CTNNBIP1: variants seen among roughly 807,000 people sequenced by gnomAD.
CTNNBIP1 encodes beta-catenin-interacting protein 1.
A neutral mutation model predicts 11.8 loss-of-function variants in CTNNBIP1; 7 were observed. That is an observed-to-expected ratio of 0.60 (90% CI 0.34 to 1.12). The LOEUF (loss-of-function observed/expected upper bound fraction) is 1.12. CTNNBIP1 is among the 50% of genes most tolerant of loss of function. The probability of loss-of-function intolerance (pLI) is 0.03; values close to 1 mark genes in which losing one functional copy is unlikely to be tolerated. For missense variants in CTNNBIP1, 101 were observed against 113.4 expected (o/e 0.89, Z 0.50); for synonymous variants, 58 against 43.9 (o/e 1.32, Z -1.26).
chr1:9,857,046 C>T (rs1418093979), intron 5 of CTNNBIP1, among the ~76,000 whole-genome samples: 3 of 150,156 alleles, frequency 2.0e-5, no homozygotes, highest in African/African-American at 7.3e-5. Flanking sequence ...CGCTTGAACC[C>T]GGGAGGCAGA....
chr1:9,899,455 C>CAAAA (rs754593503), intron 1 of CTNNBIP1, among the ~76,000 whole-genome samples: 4 of 65,692 alleles, frequency 6.1e-5, no homozygotes, highest in Admixed American at 2.0e-4. Context: ...GACTCCATCT[C>CAAAA]AAAAAAAAAA....
chr1:9,860,629 A>G (rs532224829), intron 5 of CTNNBIP1, among the ~76,000 whole-genome samples: 3 of 150,846 alleles, frequency 2.0e-5, no homozygotes, highest in South Asian at 4.2e-4. Context: ...AAAAAAAAAA[A>G]AAAAAAGAAA....
chr1:9,857,240 G>T (rs938948924), intron 5 of CTNNBIP1, among the ~76,000 whole-genome samples: 7 of 150,638 alleles, frequency 4.6e-5, no homozygotes, highest in Admixed American at 3.3e-4. Flanking sequence ...CAGCACTTTG[G>T]GGGGCCAAGA....
rs1020798682 is a variant in CTNNBIP1 at position 9,872,455 on chromosome 1, C to T, written c.-24-367G>A. Among the ~76,000 whole-genome samples, 2 of 152,210 alleles carry T rather than the reference C, an allele frequency of 1.3e-5. No individual in the cohort carries two copies. Among genetic ancestry groups the T allele is most frequent in the African/African-American group, 4.8e-5 (2 of 41,450 alleles). ...CACAGGACACGTGGTGCATGAAGCC[C>T]CAAATGTCCCAGGTTTTCAGAACAA... is the stretch of plus-strand genomic sequence containing the variant. On this transcript the variant is annotated intron_variant, in intron 3 of 5. Coordinates refer to ENST00000377263, the MANE Select transcript of CTNNBIP1 (RefSeq NM_020248.3). The surrounding 1 kb of genome is among the most constrained non-coding windows in gnomAD (Gnocchi z 4.0).
chr1:9,889,663 A>G (rs1440236211), intron 1 of CTNNBIP1, among the ~76,000 whole-genome samples: 1 of 152,172 alleles, frequency 6.6e-6, no homozygotes, highest in East Asian at 1.9e-4. Context: ...CTGTACCTGG[A>G]TATCTGAGAA....
In CTNNBIP1 at chr1:9,851,216, T is replaced by C. The variant is rs1439705982; in HGVS notation, c.188-440A>G. 6.6e-6 allele frequency among the ~76,000 whole-genome samples: 1 copy of C among 152,158 alleles called. No homozygotes were observed. The highest frequency in any genetic ancestry group is 1.5e-5 in the Non-Finnish European group (1 of 68,036). ...GGGTCTGGCTCACTGTGGTTTTAAA[T>C]AGCCATTCCTCTTTGCAGCAGCTTC... On this transcript the variant is annotated intron_variant, in intron 5 of 5. Transcript: ENST00000377263. The surrounding 1 kb of genome is among the most constrained non-coding windows in gnomAD (Gnocchi z 4.8).
At chr1:9,903,340 A>C (rs1288714951) in intron 1 of CTNNBIP1, among the ~76,000 whole-genome samples, 1 of 152,156 alleles carries the variant, frequency 6.6e-6, no homozygotes, top group Non-Finnish European at 1.5e-5. Context: ...GTTATGATGC[A>C]CAGAACACAT....
rs1638312522 is a variant in CTNNBIP1 at position 9,848,612 on chromosome 1, G to A, written c.*2106C>T. The stretch of plus-strand genomic sequence containing the variant: ...CCCCAGGGGCTCAGCCAGACCTCCA[G>A]GCCCCTGAGCGGGGAGAGTGCGTGT... On this transcript the variant is annotated 3_prime_UTR_variant, in exon 6 of 6. Coordinates refer to ENST00000377263, the MANE Select transcript of CTNNBIP1 (RefSeq NM_020248.3). The surrounding 1 kb of genome is among the most constrained non-coding windows in gnomAD (Gnocchi z 4.3). 1 of 152,200 alleles carries A rather than the reference G, an allele frequency of 6.6e-6. No individual in the cohort carries two copies. The allele number at this position is 152,200 out of a possible 1,614,324, so 9.4% of individuals were successfully genotyped here. A position where few individuals can be genotyped will look rare whatever the true frequency, so the allele number is the denominator to read the frequency against.
At chr1:9,865,428 G>A (rs545066805) in intron 5 of CTNNBIP1, among the ~76,000 whole-genome samples, 15 of 151,964 alleles carry the variant, frequency 9.9e-5, no homozygotes, top group African/African-American at 3.4e-4. Flanking sequence ...GTGAAACCCC[G>A]TCTCTACTAA....
chr1:9,876,444 C>T (rs1398361107), intron 3 of CTNNBIP1, among the ~76,000 whole-genome samples: 1 of 152,134 alleles, frequency 6.6e-6, no homozygotes, highest in East Asian at 1.9e-4. Context: ...TGGTGAAACC[C>T]AGTCTCTATA....
At chr1:9,875,253 T>C (rs912746865) in intron 3 of CTNNBIP1, among the ~76,000 whole-genome samples, 1 of 152,152 alleles carries the variant, frequency 6.6e-6, no homozygotes, top group African/African-American at 2.4e-5. Flanking sequence ...TATTTATTCA[T>C]TCAGAGAGCC....
intron 3 of CTNNBIP1, among the ~76,000 whole-genome samples, chr1:9,874,745 T>C (rs910915436): frequency 3.9e-5 from 6 of 152,220 alleles, no homozygotes; most frequent in African/African-American, 1.4e-4. Context: ...TGTCTGAGCT[T>C]CTCCCACTCT....
chr1:9,858,202 T>A (rs1338901776), intron 5 of CTNNBIP1, among the ~76,000 whole-genome samples: 7 of 152,156 alleles, frequency 4.6e-5, no homozygotes, highest in Non-Finnish European at 8.8e-5. Flanking sequence ...CCCGCTTGCC[T>A]TGACCTCCTC....
intron 5 of CTNNBIP1, among the ~76,000 whole-genome samples, chr1:9,860,441 A>AC (rs1166711476): frequency 6.7e-6 from 1 of 150,212 alleles, no homozygotes; most frequent in Non-Finnish European, 1.5e-5. Flanking sequence ...AAAAAAAAAA[A>AC]AAAAAAAAAA....
chr1:9,872,631 C>A lies in CTNNBIP1; in HGVS notation c.-24-543G>T, dbSNP rs2101482756. Among the ~76,000 whole-genome samples the A allele has an allele frequency of 6.6e-6, 1 of 152,348 alleles. No homozygotes were observed. The highest frequency in any genetic ancestry group is 6.5e-5 in the Admixed American group (1 of 15,304). On this transcript the variant is annotated intron_variant, in intron 3 of 5. Coordinates refer to ENST00000377263, the MANE Select transcript of CTNNBIP1 (RefSeq NM_020248.3). This position sits in a 1 kb window ranked among gnomAD's most constrained non-coding sequence, Gnocchi z 4.0. ...CAAGTTTAAGAGGCCAGGGTTGTGGCTCCTGGGCTGGGCTCCAAGGGGTCC... is the reference window on the plus strand; with the variant it reads ...CAAGTTTAAGAGGCCAGGGTTGTGGATCCTGGGCTGGGCTCCAAGGGGTCC...
At chr1:9,892,992 T>A (rs1450313999) in intron 1 of CTNNBIP1, 1 of 152,172 alleles carries the variant, frequency 6.6e-6, no homozygotes. Flanking sequence ...TCCCATGTGT[T>A]TATCCCATTA....
intron 1 of CTNNBIP1, among the ~76,000 whole-genome samples, chr1:9,909,268 A>G (rs1295743264): frequency 1.3e-5 from 2 of 152,200 alleles, no homozygotes; most frequent in African/African-American, 4.8e-5. Context: ...AAAATAATTC[A>G]CAGCTGGAGC....
At chr1:9,861,183 A>G (rs1289784821) in intron 5 of CTNNBIP1, among the ~76,000 whole-genome samples, 1 of 152,198 alleles carries the variant, frequency 6.6e-6, no homozygotes, top group Non-Finnish European at 1.5e-5. Flanking sequence ...TAATCTTGCT[A>G]TTAATACCAA....
At chr1:9,876,150 T>G (rs192759399) in intron 3 of CTNNBIP1, among the ~76,000 whole-genome samples, 1 of 152,346 alleles carries the variant, frequency 6.6e-6, no homozygotes, top group Admixed American at 6.5e-5. Context: ...ACACACTAAT[T>G]ATTCATCCAG....
Sources: allele counts gnomAD v4.1 joint callset (sites outside exome capture counted in the v4.1 genomes callset), GRCh38; gene constraint gnomAD v4.1.1; non-coding constraint Gnocchi (gnomAD v3.1); transcripts MANE v1.5; gene names NCBI Gene and HGNC (gene_info 2026-07-23, HGNC 2026-07-21).